Variants in ARRB1 observed in about 807,000 individuals in gnomAD.
The protein encoded by ARRB1 is arrestin beta 1, also known as beta-arrestin-1.
In ARRB1, 21 loss-of-function variants were observed where a neutral mutation model predicts 56.8. The observed-to-expected ratio is 0.37, with a 90% CI of 0.26 to 0.53. The LOEUF is 0.53. ARRB1 is among the 20% of genes least tolerant of loss of function. The probability of loss-of-function intolerance (pLI) is 0.88; values close to 1 mark genes in which losing one functional copy is unlikely to be tolerated. For missense variants in ARRB1, 424 were observed against 553.7 expected (o/e 0.77, Z 2.35); for synonymous variants, 210 against 218.6 (o/e 0.96, Z 0.35).
At chr11:75,293,867 C>T (rs977822223) in intron 1 of ARRB1, among the ~76,000 whole-genome samples, 1 of 152,176 alleles carries the variant, frequency 6.6e-6, no homozygotes, top group African/African-American at 2.4e-5. Flanking sequence ...CCTCTCCTCC[C>T]GGGGCTTCAT....
In ARRB1 at chr11:75,261,225, A is replaced by C. The variant is rs1719907552; in HGVS notation, c.*4938T>G. On this transcript the variant is annotated 3_prime_UTR_variant, in exon 16 of 16. Transcript: ENST00000420843. The stretch of plus-strand genomic sequence containing the variant: ...GTGTGTGTGTGTGTGTGTGTGTATA[A>C]ATGCTTGTGCCTGGGTCTGTGACCC... 7.0e-6 allele frequency: 1 copy of C among 142,116 alleles called. No homozygotes were observed. The highest frequency in any genetic ancestry group is 2.7e-5 in the African/African-American group (1 of 36,426). 8.8% of individuals were successfully genotyped at this position (142,116 alleles called of 1,614,324 possible). A position where few individuals can be genotyped will look rare whatever the true frequency, so the allele number is the denominator to read the frequency against.
intron 1 of ARRB1, among the ~76,000 whole-genome samples, chr11:75,346,601 T>C (rs1000476624): frequency 2.0e-5 from 3 of 152,170 alleles, no homozygotes; most frequent in African/African-American, 7.2e-5. Context: ...CCAAAACCCA[T>C]GCCACCAGCT....
chr11:75,302,198 G>A (rs1006979810), intron 1 of ARRB1, among the ~76,000 whole-genome samples: 11 of 152,194 alleles, frequency 7.2e-5, no homozygotes, highest in Non-Finnish European at 1.6e-4. Flanking sequence ...GGTGGCTGGG[G>A]AGTGAGGGGT....
At chr11:75,268,089 C>T (rs1439745618) in intron 14 of ARRB1, among the ~76,000 whole-genome samples, 1 of 152,156 alleles carries the variant, frequency 6.6e-6, no homozygotes, top group Non-Finnish European at 1.5e-5. Context: ...GTGTGTCTTA[C>T]CGTCGATGGC....
chr11:75,339,900 C>T (rs867060352), intron 1 of ARRB1, among the ~76,000 whole-genome samples: 2 of 152,188 alleles, frequency 1.3e-5, no homozygotes, highest in East Asian at 1.9e-4. Flanking sequence ...ACTCCTAGCC[C>T]GAGGCCCGGG....
intron 8 of ARRB1, 72 bp from the exon 9 acceptor site, chr11:75,277,520 G>C (rs1946228040): frequency 4.4e-6 from 6 of 1,366,820 alleles, no homozygotes; most frequent in Non-Finnish European, 6.3e-6. Flanking sequence ...AGGGAGAAAA[G>C]CCCCCACGCG....
In ARRB1 at chr11:75,263,067, C is replaced by CA. The variant is rs1281112848; in HGVS notation, c.*3095dup. The stretch of plus-strand genomic sequence containing the variant: ...CACACGCCACCCACAGGGCACACTG[C>CA]AAAGTCCCAGTGACGGATGGCTTGG... On this transcript the variant is annotated 3_prime_UTR_variant, in exon 16 of 16. Transcript: ENST00000420843. 6.6e-6 allele frequency among the ~76,000 whole-genome samples: 1 copy of CA among 152,226 alleles called. No individual in the cohort carries two copies. Among genetic ancestry groups the CA allele is most frequent in the Non-Finnish European group, 1.5e-5 (1 of 68,040 alleles).
intron 1 of ARRB1, among the ~76,000 whole-genome samples, chr11:75,314,390 A>C (rs1304022485): frequency 6.6e-6 from 1 of 152,206 alleles, no homozygotes; most frequent in Non-Finnish European, 1.5e-5. Context: ...CTCCAGCAGA[A>C]ATGCAGACCC....
At chr11:75,311,603 C>T (rs1565133698) in intron 1 of ARRB1, among the ~76,000 whole-genome samples, 1 of 152,228 alleles carries the variant, frequency 6.6e-6, no homozygotes, top group Non-Finnish European at 1.5e-5. Flanking sequence ...AATCTCGTTT[C>T]ACCCTCTCAA....
chr11:75,294,615 AT>A (rs1179605644), intron 1 of ARRB1, among the ~76,000 whole-genome samples: 8 of 27,546 alleles, frequency 2.9e-4, no homozygotes, highest in African/African-American at 6.3e-4. Flanking sequence ...ATAACTTAAA[AT>A]ATTTTTTTAA....
intron 1 of ARRB1, among the ~76,000 whole-genome samples, chr11:75,293,454 G>A (rs909531245): frequency 2.6e-5 from 4 of 152,106 alleles, no homozygotes; most frequent in African/African-American, 4.8e-5. Flanking sequence ...AGGATGCTTC[G>A]TTTCCTGGGA....
At chr11:75,306,640 G>A in intron 1 of ARRB1, 1 of 1,288,926 alleles carries the variant, frequency 7.8e-7, no homozygotes, top group Non-Finnish European at 1.0e-6. Context: ...GTGAGGTGGA[G>A]GGAGCCTGAG....
intron 5 of ARRB1, among the ~76,000 whole-genome samples, chr11:75,282,670 A>G (rs959023119): frequency 3.9e-5 from 6 of 152,090 alleles, no homozygotes; most frequent in African/African-American, 1.2e-4. Context: ...AAGCTCATAC[A>G]TCTGTGTTGT....
chr11:75,275,093 A>G (rs2140410189), intron 10 of ARRB1, among the ~76,000 whole-genome samples: 1 of 142,974 alleles, frequency 7.0e-6, no homozygotes, highest in South Asian at 2.3e-4. Flanking sequence ...CAACAGAGTG[A>G]AACTCTGTCT....
intron 1 of ARRB1, among the ~76,000 whole-genome samples, chr11:75,308,403 T>C (rs915079105): frequency 1.3e-5 from 2 of 152,224 alleles, no homozygotes; most frequent in African/African-American, 4.8e-5. Context: ...GCCTGTTCAC[T>C]GAAAAGCAAT....
At chr11:75,277,267 T>C (rs1946221404) in intron 9 of ARRB1, 97 bp downstream of exon 9, 2 of 1,278,522 alleles carry the variant, frequency 1.6e-6, no homozygotes, top group South Asian at 2.6e-5. Flanking sequence ...CTATTTTTTA[T>C]ACAAGGCTGT....
chr11:75,299,382 T>G (rs1239729003), intron 1 of ARRB1, among the ~76,000 whole-genome samples: 3 of 152,046 alleles, frequency 2.0e-5, no homozygotes, highest in African/African-American at 7.2e-5. Context: ...CATAAAGTAC[T>G]TTATAAAGAT....
chr11:75,269,076 TC>T lies in ARRB1; in HGVS notation c.1023-118del, dbSNP rs1440490828. The T allele has an allele frequency of 1.1e-5, 12 of 1,122,212 alleles. No homozygotes were observed. The East Asian group carries it at 2.9e-4, about 27-fold the overall frequency. 69.5% of individuals were successfully genotyped at this position (1,122,212 alleles called of 1,614,324 possible). On this transcript the variant is annotated intron_variant, in intron 13 of 15. Coordinates refer to ENST00000420843, the MANE Select transcript of ARRB1 (RefSeq NM_004041.5). The stretch of plus-strand genomic sequence containing the variant: ...GGGTTTTGCCGTCAGAGGAGGTAGA[TC>T]CAAAAGATGCCCTCCAGCCCCAGTT...
chr11:75,312,195 A>G, intron 1 of ARRB1: 1 of 1,250,248 alleles, frequency 8.0e-7, no homozygotes. Flanking sequence ...AGCCTTTCCC[A>G]GCAGCCGTCC....
Sources: gnomAD v4.1 joint callset for allele counts (sites outside exome capture counted in the v4.1 genomes callset) on GRCh38, gnomAD v4.1.1 for gene constraint, MANE v1.5 for transcripts, NCBI Gene and HGNC (gene_info 2026-07-23, HGNC 2026-07-21) for gene names.